The following GPC6 variants were observed in gnomAD, a reference collection of about 807,000 sequenced individuals.
GPC6 encodes the protein glypican-6.
A neutral mutation model predicts 55.2 loss-of-function variants in GPC6; 14 were observed. The ratio of observed to expected loss-of-function variants is 0.25; its 90% CI spans 0.17 to 0.40. The LOEUF is 0.40. Ranked by LOEUF, GPC6 falls within the 10% of genes least tolerant of loss-of-function variation. The probability of loss-of-function intolerance (pLI) is 1.00; values close to 1 mark genes in which losing one functional copy is unlikely to be tolerated. For missense variants in GPC6, 641 were observed against 708.5 expected (o/e 0.90, Z 1.08); for synonymous variants, 278 against 259.6 (o/e 1.07, Z -0.68).
At chr13:93,427,285 A>G (rs1877176158) in intron 1 of GPC6, among the ~76,000 whole-genome samples, 1 of 151,894 alleles carries the variant, frequency 6.6e-6, no homozygotes, top group Non-Finnish European at 1.5e-5. Context: ...AAGAGCCTGC[A>G]TCGCCAAGTC....
At chr13:93,435,759 G>A (rs1298962224) in intron 1 of GPC6, among the ~76,000 whole-genome samples, 1 of 152,176 alleles carries the variant, frequency 6.6e-6, no homozygotes, top group Non-Finnish European at 1.5e-5. Context: ...ACAATTAGAA[G>A]TAAAGCTATA....
At chr13:93,330,761 T>A (rs1407044797) in intron 1 of GPC6, among the ~76,000 whole-genome samples, 1 of 152,244 alleles carries the variant, frequency 6.6e-6, no homozygotes, top group Non-Finnish European at 1.5e-5. Flanking sequence ...TTCTCTTGCA[T>A]CTTTCATTCT....
At chr13:93,720,339 T>C (rs1339621355) in intron 2 of GPC6, among the ~76,000 whole-genome samples, 1 of 152,140 alleles carries the variant, frequency 6.6e-6, no homozygotes, top group African/African-American at 2.4e-5. Flanking sequence ...TTCTAGATTT[T>C]CTAGTTTATT....
intron 1 of GPC6, among the ~76,000 whole-genome samples, chr13:93,355,146 T>C (rs1284235038): frequency 6.6e-6 from 1 of 152,194 alleles, no homozygotes; most frequent in Non-Finnish European, 1.5e-5. Flanking sequence ...TTAACGTTCC[T>C]CTCCTGTTTT....
At chr13:93,640,791 TCC>T (rs1879895065) in intron 2 of GPC6, among the ~76,000 whole-genome samples, 1 of 66,310 alleles carries the variant, frequency 1.5e-5, no homozygotes, top group African/African-American at 7.2e-5. Flanking sequence ...CTCCCTCCCT[TCC>T]TCCTTCCTTC....
At chr13:93,249,411 T>C (rs1229895956) in intron 1 of GPC6, among the ~76,000 whole-genome samples, 1 of 152,222 alleles carries the variant, frequency 6.6e-6, no homozygotes, top group East Asian at 1.9e-4. Context: ...TTGTTCTGAG[T>C]GTTTAGTTTC....
intron 1 of GPC6, among the ~76,000 whole-genome samples, chr13:93,539,872 G>T (rs1375107299): frequency 6.6e-6 from 1 of 151,964 alleles, no homozygotes; most frequent in Non-Finnish European, 1.5e-5. Flanking sequence ...TGTATTTTTA[G>T]TGGAGACAGA....
chr13:94,298,182 C>T (rs967382407), intron 5 of GPC6, among the ~76,000 whole-genome samples: 1 of 152,148 alleles, frequency 6.6e-6, no homozygotes, highest in Non-Finnish European at 1.5e-5. Context: ...TAGAAATCCC[C>T]TAAAAGTGTG....
intron 2 of GPC6, among the ~76,000 whole-genome samples, chr13:93,728,860 G>T (rs117531973): frequency 0.019 from 2,834 of 152,142 alleles, 25 homozygotes; most frequent in Non-Finnish European, 0.026. Context: ...GAGCCACTGC[G>T]CCCAGCCTTA....
At chr13:93,982,763 G>A (rs558175511) in intron 3 of GPC6, among the ~76,000 whole-genome samples, 17 of 152,232 alleles carry the variant, frequency 1.1e-4, no homozygotes, top group Non-Finnish European at 2.4e-4. Flanking sequence ...TAGTTTTTCC[G>A]TCAGCATCAC....
chr13:93,897,332 T>C (rs1231304509), intron 3 of GPC6, among the ~76,000 whole-genome samples: 1 of 152,034 alleles, frequency 6.6e-6, no homozygotes, highest in African/African-American at 2.4e-5. Context: ...TTCAAATGTG[T>C]GTGTCAAATT....
chr13:93,510,959 A>ATATATATGTGTATATATATATG (rs1555306595), intron 1 of GPC6, among the ~76,000 whole-genome samples: 4 of 18,890 alleles, frequency 2.1e-4, no homozygotes, highest in Non-Finnish European at 3.3e-4. Flanking sequence ...AAATATATAT[A>ATATATATGTGTATATATATATG]TATATATATA....
At chr13:93,886,760 G>GTTTTTTTTTTTT (rs34144264) in intron 3 of GPC6, among the ~76,000 whole-genome samples, 3 of 119,092 alleles carry the variant, frequency 2.5e-5, no homozygotes, top group East Asian at 2.5e-4. Flanking sequence ...TTTTTTTTTT[G>GTTTTTTTTTTTT]TTTTTTTTTT....
chr13:94,363,657 G>A (rs1879158882), intron 6 of GPC6, among the ~76,000 whole-genome samples: 1 of 152,172 alleles, frequency 6.6e-6, no homozygotes, highest in Non-Finnish European at 1.5e-5. Flanking sequence ...GACGTGCTTA[G>A]GAAGGACCTT....
At chr13:93,859,331 A>ATGTT (rs1888733109) in intron 3 of GPC6, among the ~76,000 whole-genome samples, 1 of 151,676 alleles carries the variant, frequency 6.6e-6, no homozygotes. Flanking sequence ...TTTACTGAAA[A>ATGTT]ATAAACTATT....
At chr13:93,231,354 TATATAC>T (rs1876014409) in intron 1 of GPC6, among the ~76,000 whole-genome samples, 1 of 30,352 alleles carries the variant, frequency 3.3e-5, no homozygotes, top group African/African-American at 1.8e-4. Flanking sequence ...TACATATATA[TATATAC>T]GTATATATAT....
intron 2 of GPC6, among the ~76,000 whole-genome samples, chr13:93,630,085 G>A (rs915452600): frequency 1.3e-5 from 2 of 152,180 alleles, no homozygotes; most frequent in African/African-American, 2.4e-5. Flanking sequence ...AAAGTTAGGT[G>A]TTACTATCAT....
intron 3 of GPC6, among the ~76,000 whole-genome samples, chr13:93,871,745 A>G (rs895295773): frequency 1.3e-5 from 2 of 151,972 alleles, no homozygotes; most frequent in African/African-American, 4.8e-5. Flanking sequence ...ATTGTAAGTC[A>G]CCATTACCAG....
chr13:93,370,084 G>A (rs1459776703), intron 1 of GPC6, among the ~76,000 whole-genome samples: 2 of 152,076 alleles, frequency 1.3e-5, no homozygotes. Context: ...ATGGGTAGAT[G>A]CCTTTAAATT....
Sources: gnomAD v4.1 joint callset for allele counts (sites outside exome capture counted in the v4.1 genomes callset) on GRCh38, gnomAD v4.1.1 for gene constraint, MANE v1.5 for transcripts, NCBI Gene and HGNC (gene_info 2026-07-23, HGNC 2026-07-21) for gene names.